PRMT7: variants seen among roughly 807,000 people sequenced by gnomAD.
The protein encoded by PRMT7 is protein arginine methyltransferase 7, also known as protein arginine N-methyltransferase 7.
PRMT7 carries 75 observed loss-of-function variants against 85.4 expected under a neutral mutation model. The ratio of observed to expected loss-of-function variants is 0.88; its 90% CI spans 0.73 to 1.06. The LOEUF is 1.06. Among genes scored for constraint, PRMT7 ranks in the 50% least tolerant of loss-of-function variants. PRMT7 has a pLI of 0.00. For synonymous variants in PRMT7, 397 were observed against 359.5 expected (o/e 1.10, Z -1.18); for missense variants, 868 against 915.2 (o/e 0.95, Z 0.67).
At chr16:68,329,785 C>T (rs979466692) in intron 6 of PRMT7, among the ~76,000 whole-genome samples, 2 of 151,896 alleles carry the variant, frequency 1.3e-5, no homozygotes, top group Admixed American at 6.6e-5. Context: ...AGGAGAATGG[C>T]GAGAGTAGTT....
chr16:68,348,583 T>C (rs1330830686), intron 14 of PRMT7, 152 bp downstream of exon 14: 3 of 435,736 alleles, frequency 6.9e-6, no homozygotes, highest in African/African-American at 2.1e-5. Flanking sequence ...ATCAAGGGTG[T>C]GGTGAAGCTT....
chr16:68,348,007 T>C (rs2086663935), intron 13 of PRMT7, among the ~76,000 whole-genome samples: 1 of 152,202 alleles, frequency 6.6e-6, no homozygotes, highest in African/African-American at 2.4e-5. Flanking sequence ...CACAGCCTGA[T>C]GGGAGATGGC....
chr16:68,356,067 G>A (rs1319193998), intron 17 of PRMT7, among the ~76,000 whole-genome samples, 184 bp downstream of exon 17: 1 of 152,238 alleles, frequency 6.6e-6, no homozygotes, highest in Non-Finnish European at 1.5e-5. Flanking sequence ...ACGGTCCTGT[G>A]TGTGCCACTG....
Position 68,346,220 on chromosome 16 carries a change from T to G in PRMT7, c.1131T>G (p.Pro377=). 1.2e-6 allele frequency: 2 copies of G among 1,614,126 alleles called. No homozygotes were observed. The highest frequency in any genetic ancestry group is 1.7e-6 in the Non-Finnish European group (2 of 1,180,022). Residue 377 remains proline (P), a synonymous_variant, in exon 11 of 19, where the codon CCT becomes CCG. Coordinates refer to ENST00000441236, the MANE Select transcript of PRMT7 (RefSeq NM_019023.5). ...AGGCTCACCTGCTCTGGAACCGGCCTCGGTTTGGAGAGATCAATGACCAGG... is the reference window on the plus strand; with the variant it reads ...AGGCTCACCTGCTCTGGAACCGGCCGCGGTTTGGAGAGATCAATGACCAGG... ...DCQAHLLWNR[P]RFGEINDQDR...
At position 68,322,347 on chromosome 16, in the gene PRMT7, G is replaced by T. The variant is rs148464563; in HGVS notation, c.132+885G>T. On this transcript the variant is annotated intron_variant, in intron 4 of 18. Transcript: ENST00000441236. ...TCCCAGTAGCTGGGACTACAGGCAT[G>T]CCACCATGCCTGGCTAATTTTTGTA... 9.9e-3 allele frequency: 4,339 copies of T among 439,036 alleles called. 177 individuals carry two copies. The highest frequency in any genetic ancestry group is 0.079 in the African/African-American group (3,890 of 49,454). 27.2% of individuals were successfully genotyped at this position (439,036 alleles called of 1,614,324 possible).
At position 68,332,078 on chromosome 16, in the gene PRMT7, C is replaced by T. The variant is rs555998114; in HGVS notation, c.391+2904C>T. ...GTTGGTTTTGCTTTTTAAACTTTGGCATGCAGTTGGGTTACTTGCAGTTCA... is the reference window on the plus strand; with the variant it reads ...GTTGGTTTTGCTTTTTAAACTTTGGTATGCAGTTGGGTTACTTGCAGTTCA... On this transcript the variant is annotated intron_variant, in intron 6 of 18. Coordinates refer to ENST00000441236, the MANE Select transcript of PRMT7 (RefSeq NM_019023.5). Among the ~76,000 whole-genome samples, 6 of 152,286 alleles carry T rather than the reference C, an allele frequency of 3.9e-5. No individual in the cohort carries two copies. In the South Asian group the frequency reaches 6.2e-4, roughly 16 times the overall value.
In PRMT7 at chr16:68,346,128, T is replaced by C. The variant is rs758299533; in HGVS notation, c.1056-17T>C. 3 of 1,612,718 alleles carry C rather than the reference T, an allele frequency of 1.9e-6. No individual in the cohort carries two copies. The South Asian group carries it at 3.3e-5, about 18-fold the overall frequency. ...GGCGCTCACAGCCCACGTCTGTTTG[T>C]TCATCTCCTGGCCTAGCCCTGAAAA... On this transcript the variant is annotated splice_polypyrimidine_tract_variant and intron_variant, in intron 10 of 18. Coordinates refer to ENST00000441236, the MANE Select transcript of PRMT7 (RefSeq NM_019023.5).
intron 4 of PRMT7, chr16:68,323,860 C>T (rs2151472541): frequency 6.6e-6 from 1 of 152,318 alleles, no homozygotes; most frequent in Middle Eastern, 3.4e-3. Flanking sequence ...AGAAGGGTCA[C>T]TGTGCCTATT....
At chr16:68,348,994 C>T (rs534198660) in intron 14 of PRMT7, among the ~76,000 whole-genome samples, 1 of 152,106 alleles carries the variant, frequency 6.6e-6, no homozygotes, top group Non-Finnish European at 1.5e-5. Flanking sequence ...CAGAGCAGCT[C>T]TCTTGGGGTT....
At chr16:68,345,157 C>T (rs947896246) in intron 9 of PRMT7, among the ~76,000 whole-genome samples, 3 of 152,192 alleles carry the variant, frequency 2.0e-5, no homozygotes, top group Non-Finnish European at 4.4e-5. Context: ...TAAAATTTGT[C>T]TCCAGAAGTC....
chr16:68,350,707 A>G (rs1271990456), intron 14 of PRMT7, among the ~76,000 whole-genome samples: 1 of 152,154 alleles, frequency 6.6e-6, no homozygotes, highest in Non-Finnish European at 1.5e-5. Flanking sequence ...TTCATTACCC[A>G]TTGGCAGTCA....
Position 68,321,650 on chromosome 16 carries a change from T to G in PRMT7, c.132+188T>G, listed in dbSNP as rs1038445692. 9.3e-6 allele frequency: 5 copies of G among 537,524 alleles called. No individual in the cohort carries two copies. In the African/African-American group the frequency reaches 9.7e-5, roughly 10 times the overall value. 33.3% of individuals were successfully genotyped at this position (537,524 alleles called of 1,614,324 possible). On this transcript the variant is annotated intron_variant, in intron 4 of 18. Coordinates refer to ENST00000441236, the MANE Select transcript of PRMT7 (RefSeq NM_019023.5). ...TATTTTTGTTGTTTAATCTCCCAGC[T>G]TTATCAAGATAGAACTGACAAATAA... is the stretch of plus-strand genomic sequence containing the variant.
chr16:68,339,989 A>G, intron 9 of PRMT7, 21 bp downstream of exon 9: 1 of 1,584,122 alleles, frequency 6.3e-7, no homozygotes, highest in Non-Finnish European at 8.6e-7. Flanking sequence ...GGAGCCTAGC[A>G]TGTGCCCTGT....
chr16:68,344,287 C>A (rs2085983461), intron 9 of PRMT7, among the ~76,000 whole-genome samples: 1 of 152,160 alleles, frequency 6.6e-6, no homozygotes, highest in African/African-American at 2.4e-5. Context: ...CTTTTTAGGG[C>A]AGTTCTTCCT....
chr16:68,337,710 G>A, intron 7 of PRMT7, 139 bp downstream of exon 7: 1 of 450,476 alleles, frequency 2.2e-6, no homozygotes, highest in African/African-American at 2.0e-5. Context: ...TCCTGGGGGG[G>A]CTCTGGTTCT....
intron 6 of PRMT7, among the ~76,000 whole-genome samples, chr16:68,335,791 T>C (rs2084594856): frequency 6.6e-6 from 1 of 151,550 alleles, no homozygotes. Context: ...TTTTTTTTTT[T>C]TTTTTGAAAT....
rs758811545 is a variant in PRMT7, at chr16:68,353,598, C to T, written c.1650+32C>T. On this transcript the variant is annotated intron_variant, in intron 16 of 18. Transcript: ENST00000441236. ...AGGGCCACACTCTGCATAGTACCCC[C>T]GACCTGCTCCTGTATCGCAGGCCTC... The T allele has an allele frequency of 3.2e-5, 48 of 1,508,960 alleles. No homozygotes were observed. The Admixed American group carries it at 7.2e-4, about 23-fold the overall frequency. The allele number at this position is 1,508,960 out of a possible 1,614,324, so 93.5% of individuals were successfully genotyped here.
chr16:68,317,831 C>CAA, intron 3 of PRMT7, among the ~76,000 whole-genome samples: 1 of 83,530 alleles, frequency 1.2e-5, no homozygotes, highest in Non-Finnish European at 2.2e-5. Context: ...AACTCTGTCT[C>CAA]AAAAAAAAAA....
rs765949660 is a variant in PRMT7 at position 68,353,543 on chromosome 16, C to G, written c.1627C>G (p.His543Asp). 9 of 1,597,868 alleles carry G rather than the reference C, an allele frequency of 5.6e-6. No homozygotes were observed. Among genetic ancestry groups the G allele is most frequent in the Non-Finnish European group, 7.7e-6 (9 of 1,172,628 alleles). Residue 543 changes from histidine (H) to aspartate (D), a missense_variant, in exon 16 of 19, where the codon CAC becomes GAC. Transcript: ENST00000441236. ...PCGDCEGFDVHIMDDMIKRAL... is the reference protein window; with the variant it reads ...PCGDCEGFDVDIMDDMIKRAL... ...TGGTGACTGCGAAGGCTTCGACGTG[C>G]ACATCATGGACGACATGATTAAGGT...
Sources: allele counts gnomAD v4.1 joint callset (sites outside exome capture counted in the v4.1 genomes callset), GRCh38; gene constraint gnomAD v4.1.1; transcripts MANE v1.5; gene names NCBI Gene and HGNC (gene_info 2026-07-23, HGNC 2026-07-21).